Variants in NKAIN3 observed in about 807,000 individuals in gnomAD.
NKAIN3 encodes the protein sodium/potassium-transporting ATPase subunit beta-1-interacting protein 3.
Under a neutral mutation model 30.2 loss-of-function variants are expected in NKAIN3, and 25 were observed. That is an observed-to-expected ratio of 0.83 (90% CI 0.60 to 1.16). The LOEUF (loss-of-function observed/expected upper bound fraction) is 1.16, where lower values mean the gene tolerates loss of function less well. NKAIN3 is among the 50% of genes most tolerant of loss of function. The probability of loss-of-function intolerance (pLI) is 0.00; values close to 1 mark genes in which losing one functional copy is unlikely to be tolerated. For synonymous variants in NKAIN3, 91 were observed against 89.6 expected, an observed-to-expected ratio of 1.02 and a Z score of -0.09; for missense variants, 225 against 254.1, an observed-to-expected ratio of 0.89 and a Z score of 0.78.
intron 4 of NKAIN3, among the ~76,000 whole-genome samples, chr8:62,749,298 C>G (rs1232360969): frequency 6.6e-6 from 1 of 152,160 alleles, no homozygotes; most frequent in African/African-American, 2.4e-5. Flanking sequence ...TGGAGTGTCA[C>G]ATAAAAACAT....
chr8:62,482,998 T>A (rs1806774175), intron 1 of NKAIN3: 1 of 152,146 alleles, frequency 6.6e-6, no homozygotes, highest in Admixed American at 6.6e-5. Context: ...AGCAGTGCAG[T>A]ACGGGAGAAG....
chr8:62,831,989 A>C (rs1163519061), intron 4 of NKAIN3, among the ~76,000 whole-genome samples: 1 of 152,122 alleles, frequency 6.6e-6, no homozygotes, highest in Non-Finnish European at 1.5e-5. Context: ...ACCATGTACA[A>C]AGAGAAGCCC....
chr8:62,353,833 C>T (rs1816260086), intron 1 of NKAIN3, among the ~76,000 whole-genome samples: 1 of 152,000 alleles, frequency 6.6e-6, no homozygotes, highest in Non-Finnish European at 1.5e-5. Context: ...GACACAAAGA[C>T]AAAATTTATA....
chr8:62,485,787 A>C (rs1220785441), intron 1 of NKAIN3, among the ~76,000 whole-genome samples: 1 of 152,168 alleles, frequency 6.6e-6, no homozygotes, highest in African/African-American at 2.4e-5. Flanking sequence ...GAGGGAATGG[A>C]TTTGAGAGCT....
chr8:62,388,139 C>T (rs1337652976), intron 1 of NKAIN3, among the ~76,000 whole-genome samples: 2 of 152,086 alleles, frequency 1.3e-5, no homozygotes, highest in East Asian at 1.9e-4. Flanking sequence ...TAATTTGGTG[C>T]TAAAAAATTT....
intron 5 of NKAIN3, among the ~76,000 whole-genome samples, chr8:62,995,229 A>G (rs1042387644): frequency 1.3e-5 from 2 of 152,248 alleles, no homozygotes; most frequent in African/African-American, 4.8e-5. Context: ...TATTAAGCAA[A>G]TAAACCCCAA....
At chr8:62,259,999 A>C (rs537197073) in intron 1 of NKAIN3, among the ~76,000 whole-genome samples, 7 of 152,234 alleles carry the variant, frequency 4.6e-5, no homozygotes, top group African/African-American at 1.7e-4. Flanking sequence ...TTCATTTTTT[A>C]GATTTTTTTC....
chr8:62,309,700 G>C (rs1301665153), intron 1 of NKAIN3, among the ~76,000 whole-genome samples: 1 of 150,202 alleles, frequency 6.7e-6, no homozygotes, highest in Non-Finnish European at 1.5e-5. Flanking sequence ...TGACAAGTAT[G>C]ATTATTCAGA....
intron 1 of NKAIN3, among the ~76,000 whole-genome samples, chr8:62,523,593 T>A (rs1808218242): frequency 6.6e-6 from 1 of 152,124 alleles, no homozygotes; most frequent in Non-Finnish European, 1.5e-5. Context: ...GAAATCAACA[T>A]GTTTAGGACT....
At position 62,810,957 on chromosome 8, in the gene NKAIN3, G is replaced by A. The variant is rs997176639; in HGVS notation, c.471+63828G>A. On this transcript the variant is annotated intron_variant, in intron 4 of 6. Transcript: ENST00000623646. ...GAACTATAGTACAATATTACAACCA[G>A]GATATTGACGTTATTGCAGCTAACA... is the stretch of plus-strand genomic sequence containing the variant. Among the ~76,000 whole-genome samples the A allele has an allele frequency of 2.6e-5, 4 of 151,900 alleles. No homozygotes were observed. The South Asian group carries it at 8.3e-4, about 31-fold the overall frequency.
At chr8:62,955,731 G>A (rs74600226) in intron 6 of NKAIN3, among the ~76,000 whole-genome samples, 2,484 of 152,244 alleles carry the variant, frequency 0.016, 56 homozygotes, top group African/African-American at 0.052. Context: ...TGGCCCAGAG[G>A]CAAGTGACTT....
At chr8:62,319,363 C>T (rs1009142040) in intron 1 of NKAIN3, among the ~76,000 whole-genome samples, 1 of 152,168 alleles carries the variant, frequency 6.6e-6, no homozygotes, top group Admixed American at 6.5e-5. Context: ...TTATTTCTTG[C>T]CTTCTGGTAG....
intron 1 of NKAIN3, among the ~76,000 whole-genome samples, chr8:62,570,315 T>A (rs142701688): frequency 3.5e-4 from 54 of 152,320 alleles, no homozygotes; most frequent in Non-Finnish European, 6.2e-4. Flanking sequence ...CAATTAAGAA[T>A]AAGTGTTATG....
intron 1 of NKAIN3, among the ~76,000 whole-genome samples, chr8:62,410,451 C>G (rs189102121): frequency 6.6e-5 from 10 of 152,156 alleles, no homozygotes; most frequent in Admixed American, 5.9e-4. Flanking sequence ...GTATAATGAT[C>G]TATTTTCCTT....
At chr8:62,266,892 G>A (rs1812625313) in intron 1 of NKAIN3, among the ~76,000 whole-genome samples, 1 of 152,206 alleles carries the variant, frequency 6.6e-6, no homozygotes, top group Non-Finnish European at 1.5e-5. Context: ...CTGCAGAACT[G>A]CCTTTGAGCT....
intron 3 of NKAIN3, among the ~76,000 whole-genome samples, chr8:62,629,821 A>G (rs773278390): frequency 1.3e-5 from 2 of 152,166 alleles, no homozygotes; most frequent in South Asian, 2.1e-4. Context: ...TTCATTAAGC[A>G]TATGAATTTA....
At chr8:62,743,593 G>A (rs1815976257) in intron 3 of NKAIN3, among the ~76,000 whole-genome samples, 1 of 152,148 alleles carries the variant, frequency 6.6e-6, no homozygotes, top group Admixed American at 6.5e-5. Context: ...AAGAAGAACA[G>A]ACTCAGGCAT....
intron 4 of NKAIN3, among the ~76,000 whole-genome samples, chr8:62,804,585 T>C (rs1240897048): frequency 1.3e-5 from 2 of 152,138 alleles, no homozygotes; most frequent in Non-Finnish European, 2.9e-5. Context: ...AAAAGGCCTT[T>C]GACAAAATTC....
intron 4 of NKAIN3, chr8:62,863,515 G>C: frequency 6.8e-7 from 1 of 1,461,316 alleles, no homozygotes; most frequent in Admixed American, 1.7e-5. Flanking sequence ...GGCCTTGATA[G>C]TTGAACTTGA....
Sources: gnomAD v4.1 joint callset for allele counts (sites outside exome capture counted in the v4.1 genomes callset) on GRCh38, gnomAD v4.1.1 for gene constraint, MANE v1.5 for transcripts, NCBI Gene and HGNC (gene_info 2026-07-23, HGNC 2026-07-21) for gene names.